The following PRKN variants were observed in gnomAD, a reference collection of about 807,000 sequenced individuals.
The protein encoded by PRKN is E3 ubiquitin-protein ligase parkin.
In PRKN, 56 loss-of-function variants were observed where a neutral mutation model predicts 59.5. The observed-to-expected ratio is 0.94, with a 90% CI of 0.76 to 1.18. The LOEUF (loss-of-function observed/expected upper bound fraction) is 1.18. PRKN is among the 50% of genes most tolerant of loss of function. PRKN has a pLI of 0.00. For missense variants in PRKN, 657 were observed against 596.4 expected, an observed-to-expected ratio of 1.10 and a Z score of -1.06; for synonymous variants, 250 against 222.1, an observed-to-expected ratio of 1.13 and a Z score of -1.12.
In PRKN at chr6:161,749,051, G is replaced by T. The variant is rs78472935; in HGVS notation, c.871+36721C>A. 9.9e-3 allele frequency among the ~76,000 whole-genome samples: 1,504 copies of T among 152,238 alleles called. 24 individuals carry two copies. The highest frequency in any genetic ancestry group is 0.012 in the Non-Finnish European group (823 of 68,016). On this transcript the variant is annotated intron_variant, in intron 7 of 11. Coordinates refer to ENST00000366898, the MANE Select transcript of PRKN (RefSeq NM_004562.3). ...GAAGGTTGGCAAAACCAAGGGGAGGGGGTCCTTGTACTTGGTGAACAGATG... is the reference window on the plus strand; with the variant it reads ...GAAGGTTGGCAAAACCAAGGGGAGGTGGTCCTTGTACTTGGTGAACAGATG...
At chr6:161,493,980 C>T (rs1399932663) in intron 9 of PRKN, among the ~76,000 whole-genome samples, 1 of 152,150 alleles carries the variant, frequency 6.6e-6, no homozygotes, top group Non-Finnish European at 1.5e-5. Context: ...CAGCCGTTTC[C>T]AGCAATGTTA....
intron 11 of PRKN, among the ~76,000 whole-genome samples, chr6:161,351,293 G>C (rs1283565158): frequency 6.7e-6 from 1 of 149,700 alleles, no homozygotes; most frequent in Non-Finnish European, 1.5e-5. Context: ...TCATAAAACA[G>C]GAACTGGGAT....
intron 6 of PRKN, among the ~76,000 whole-genome samples, chr6:161,864,249 C>A (rs1346929256): frequency 6.6e-6 from 1 of 152,188 alleles, no homozygotes; most frequent in African/African-American, 2.4e-5. Context: ...GCCTCATCAA[C>A]TAAGTGTATG....
At chr6:161,757,871 C>CTCTCTCTCTCTCTCTCTCTCTGTGTGTG (rs1380898753) in intron 7 of PRKN, among the ~76,000 whole-genome samples, 1 of 97,984 alleles carries the variant, frequency 1.0e-5, no homozygotes, top group African/African-American at 4.5e-5. Context: ...CTCTCTCTCT[C>CTCTCTCTCTCTCTCTCTCTCTGTGTGTG]TGTGTATATA....
rs543787878 is a variant in PRKN, at chr6:161,378,148, G to A, written c.1167+8646C>T. 1.1e-4 allele frequency among the ~76,000 whole-genome samples: 16 copies of A among 152,270 alleles called. No individual in the cohort carries two copies. Among genetic ancestry groups the A allele is most frequent in the Admixed American group, 9.8e-4 (15 of 15,300 alleles). ...ACAAGGAGCTCTGCAGAGCAGGCAC[G>A]TGGACAGACCCATGGGAGGGGCAGG... On this transcript the variant is annotated intron_variant, in intron 10 of 11. Transcript: ENST00000366898. This position sits in a 1 kb window ranked among gnomAD's most constrained non-coding sequence, Gnocchi z 7.3.
chr6:162,638,395 A>G (rs2846568), intron 1 of PRKN, among the ~76,000 whole-genome samples: 139,510 of 152,196 alleles, frequency 0.92, 64,098 homozygotes, highest in Admixed American at 0.97. Context: ...GTGACTTTCC[A>G]ACTCTGTCTC....
chr6:162,525,627 C>T (rs1330384298), intron 1 of PRKN, among the ~76,000 whole-genome samples: 1 of 152,154 alleles, frequency 6.6e-6, no homozygotes, highest in Non-Finnish European at 1.5e-5. Context: ...TGTTCTCTTC[C>T]TTCCTTAATT....
At chr6:162,506,706 A>G (rs2023003) in intron 1 of PRKN, among the ~76,000 whole-genome samples, 47,132 of 151,776 alleles carry the variant, frequency 0.31, 7,881 homozygotes, top group Middle Eastern at 0.38. Flanking sequence ...AGAGGTAAGG[A>G]GGAGATATCA....
chr6:162,498,375 AT>A (rs149626517), intron 1 of PRKN, among the ~76,000 whole-genome samples: 10 of 22,658 alleles, frequency 4.4e-4, no homozygotes, highest in Admixed American at 3.4e-3. Context: ...CAGCAGAATC[AT>A]TTTTTTTCTT....
intron 7 of PRKN, among the ~76,000 whole-genome samples, chr6:161,587,885 T>C (rs893662583): frequency 3.3e-5 from 5 of 152,184 alleles, no homozygotes; most frequent in Admixed American, 6.5e-5. Context: ...CCTCTTAAGA[T>C]GTAAAATCTC....
At chr6:162,345,553 T>G (rs1292834355) in intron 2 of PRKN, among the ~76,000 whole-genome samples, 1 of 152,222 alleles carries the variant, frequency 6.6e-6, no homozygotes, top group African/African-American at 2.4e-5. Flanking sequence ...TGTCAAGTTA[T>G]TCACAAAGGC....
rs1011608614 is a variant in PRKN, at chr6:162,311,551, T to C, written c.172-48786A>G. 7.9e-5 allele frequency among the ~76,000 whole-genome samples: 12 copies of C among 150,998 alleles called. No homozygotes were observed. In the East Asian group the frequency reaches 2.3e-3, roughly 30 times the overall value. ...AGGCAGGAGTGCAGTGGCACAATCT[T>C]GGCTCACTGCAACCTCCACCTCCTG... On this transcript the variant is annotated intron_variant, in intron 2 of 11. Transcript: ENST00000366898.
intron 2 of PRKN, among the ~76,000 whole-genome samples, chr6:162,373,903 G>T (rs1290876714): frequency 1.3e-5 from 2 of 152,116 alleles, no homozygotes; most frequent in East Asian, 1.9e-4. Flanking sequence ...GGAAAAAAAA[G>T]GAAAATGATG....
chr6:162,313,487 A>T (rs960249460), intron 2 of PRKN, among the ~76,000 whole-genome samples: 1 of 151,382 alleles, frequency 6.6e-6, no homozygotes, highest in Non-Finnish European at 1.5e-5. Context: ...TACTGTATCA[A>T]TTTTTTTTTA....
intron 7 of PRKN, among the ~76,000 whole-genome samples, chr6:161,632,187 C>T (rs941319251): frequency 6.6e-6 from 1 of 151,938 alleles, no homozygotes; most frequent in Non-Finnish European, 1.5e-5. Context: ...TTCAAATTTT[C>T]TTTTTAGTTT....
intron 2 of PRKN, among the ~76,000 whole-genome samples, chr6:162,377,155 A>G (rs1786153147): frequency 6.6e-6 from 1 of 152,180 alleles, no homozygotes; most frequent in South Asian, 2.1e-4. Flanking sequence ...CCATACAGTT[A>G]GCCAATACCC....
chr6:161,435,334 C>T (rs1343859057), intron 9 of PRKN, among the ~76,000 whole-genome samples: 1 of 152,136 alleles, frequency 6.6e-6, no homozygotes, highest in African/African-American at 2.4e-5. Context: ...TTTTATCAAG[C>T]CATGCTCTGA....
intron 7 of PRKN, among the ~76,000 whole-genome samples, chr6:161,642,662 T>A (rs1412451661): frequency 6.6e-6 from 1 of 152,114 alleles, no homozygotes; most frequent in Non-Finnish European, 1.5e-5. Flanking sequence ...ACAAAAATTT[T>A]AAAAACTACA....
chr6:162,052,242 C>A (rs1321693746), intron 5 of PRKN, among the ~76,000 whole-genome samples: 1 of 151,968 alleles, frequency 6.6e-6, no homozygotes, highest in Non-Finnish European at 1.5e-5. Context: ...CTGTTCAGCC[C>A]ATTTAGTAAA....
Sources: allele counts gnomAD v4.1 joint callset (sites outside exome capture counted in the v4.1 genomes callset), GRCh38; gene constraint gnomAD v4.1.1; non-coding constraint Gnocchi (gnomAD v3.1); transcripts MANE v1.5; gene names NCBI Gene and HGNC (gene_info 2026-07-23, HGNC 2026-07-21).